The following KIAA0586 variants were observed in gnomAD, a reference collection of about 807,000 sequenced individuals.
KIAA0586 encodes the protein KIAA0586.
A neutral mutation model predicts 169.8 loss-of-function variants in KIAA0586; 144 were observed. The ratio of observed to expected loss-of-function variants is 0.85; its 90% CI spans 0.74 to 0.97. The LOEUF (loss-of-function observed/expected upper bound fraction) is 0.97. KIAA0586 is among the 50% of genes least tolerant of loss of function. The pLI, the probability that KIAA0586 is intolerant of heterozygous loss-of-function variation, is 0.00. For synonymous variants in KIAA0586, 625 were observed against 612.4 expected, an observed-to-expected ratio of 1.02 and a Z score of -0.30; for missense variants, 1,854 against 1,823.0, an observed-to-expected ratio of 1.02 and a Z score of -0.31.
rs140565291 is a variant in KIAA0586, at chr14:58,487,145, A to G, written c.3283A>G (p.Lys1095Glu). 1 of 1,611,696 alleles carries G rather than the reference A, an allele frequency of 6.2e-7. No homozygotes were observed. Among genetic ancestry groups the G allele is most frequent in the African/African-American group, 1.3e-5 (1 of 74,820 alleles). ...DSDHDMAFPV[K>E]EICAEKGDDM... ...GGATCATGATATGGCTTTTCCTGTG[A>G]AAGAAATATGTGCTGAAAAAGGTAG... Residue 1095 changes from lysine (K) to glutamate (E), a missense_variant, in exon 22 of 31, where the codon AAA becomes GAA. Lys to Glu is a moderately conservative substitution (Grantham distance 56). Coordinates refer to ENST00000652326, the MANE Select transcript of KIAA0586 (RefSeq NM_001329943.3).
At chr14:58,497,942 A>G (rs1304258832) in intron 26 of KIAA0586, among the ~76,000 whole-genome samples, 1 of 147,800 alleles carries the variant, frequency 6.8e-6, no homozygotes, top group African/African-American at 2.5e-5. Context: ...CAGTGGTGCA[A>G]TCTCAGCTCA....
chr14:58,451,417 G>T (rs185247122), intron 8 of KIAA0586, among the ~76,000 whole-genome samples: 2 of 151,784 alleles, frequency 1.3e-5, no homozygotes. Flanking sequence ...CATAGAGATG[G>T]GGTTTCACTA....
At chr14:58,539,947 A>G (rs548321259) in intron 29 of KIAA0586, 124 bp from the exon 30 acceptor site, 301 of 586,946 alleles carry the variant, frequency 5.1e-4, no homozygotes, top group Non-Finnish European at 6.7e-4. Flanking sequence ...ACTTCTGTTT[A>G]CCTGGTTTTA....
intron 24 of KIAA0586, 42 bp downstream of exon 24, chr14:58,488,916 G>A (rs2042653043): frequency 6.3e-7 from 1 of 1,578,126 alleles, no homozygotes; most frequent in East Asian, 2.2e-5. Context: ...GTTAGATTAT[G>A]CTAATTCCCT....
At chr14:58,536,839 G>A (rs552119040) in intron 29 of KIAA0586, among the ~76,000 whole-genome samples, 1 of 152,138 alleles carries the variant, frequency 6.6e-6, no homozygotes, top group African/African-American at 2.4e-5. Flanking sequence ...TTGTGGTAAA[G>A]ATAAAAATAT....
At chr14:58,506,928 C>T (rs561404859) in intron 27 of KIAA0586, among the ~76,000 whole-genome samples, 16 of 151,980 alleles carry the variant, frequency 1.1e-4, no homozygotes, top group Middle Eastern at 6.8e-3. Context: ...AGGAAGATCA[C>T]TTTAGCCCAG....
intron 7 of KIAA0586, among the ~76,000 whole-genome samples, chr14:58,449,761 A>G (rs1004866291): frequency 6.6e-6 from 1 of 152,078 alleles, no homozygotes; most frequent in African/African-American, 2.4e-5. Flanking sequence ...AATTCCAGAG[A>G]ATTTCTTGCT....
At chr14:58,479,734 GT>G (rs1268690041) in intron 20 of KIAA0586, among the ~76,000 whole-genome samples, 2 of 151,958 alleles carry the variant, frequency 1.3e-5, no homozygotes, top group Non-Finnish European at 2.9e-5. Context: ...TTTGTTTGGG[GT>G]TTTTTGGCAT....
chr14:58,515,189 GA>G (rs1257247353), intron 29 of KIAA0586, among the ~76,000 whole-genome samples: 1 of 151,456 alleles, frequency 6.6e-6, no homozygotes, highest in East Asian at 1.9e-4. Flanking sequence ...AAATTTGCTT[GA>G]AAAAAATCAC....
At chr14:58,478,288 TCC>T (rs1282290198) in intron 20 of KIAA0586, among the ~76,000 whole-genome samples, 1 of 152,116 alleles carries the variant, frequency 6.6e-6, no homozygotes, top group Non-Finnish European at 1.5e-5. Flanking sequence ...TTTGAGATCG[TCC>T]TGGCCAACAT....
intron 29 of KIAA0586, among the ~76,000 whole-genome samples, chr14:58,522,485 G>A (rs2045296270): frequency 6.6e-6 from 1 of 152,210 alleles, no homozygotes. Flanking sequence ...ACGTAGTTTT[G>A]TGAATGAGAG....
chr14:58,428,993 T>G (rs2037123689), intron 1 of KIAA0586, among the ~76,000 whole-genome samples: 2 of 152,210 alleles, frequency 1.3e-5, no homozygotes. Context: ...AAAACGCTTT[T>G]GTAATGCTGT....
chr14:58,546,984 A>C (rs867214479), intron 30 of KIAA0586, among the ~76,000 whole-genome samples: 1 of 152,130 alleles, frequency 6.6e-6, no homozygotes, highest in Non-Finnish European at 1.5e-5. Context: ...TGCTAACCTT[A>C]TATCACTTCT....
chr14:58,457,729 A>G (rs1445866989), intron 10 of KIAA0586, 30 bp from the exon 11 acceptor site: 2 of 1,396,996 alleles, frequency 1.4e-6, no homozygotes, highest in Non-Finnish European at 2.0e-6. Flanking sequence ...TTGTGAGTTT[A>G]GTAACTTTCT....
intron 18 of KIAA0586, among the ~76,000 whole-genome samples, chr14:58,472,567 C>T (rs533697848): frequency 2.0e-5 from 3 of 151,944 alleles, no homozygotes; most frequent in South Asian, 2.1e-4. Flanking sequence ...GGCTTCTTTT[C>T]CTCCAATTTG....
At position 58,432,466 on chromosome 14, in the gene KIAA0586, C is replaced by T. The variant is rs2037458221; in HGVS notation, c.410+9C>T. 2 of 1,453,424 alleles carry T rather than the reference C, an allele frequency of 1.4e-6. No homozygotes were observed. Among genetic ancestry groups the T allele is most frequent in the Non-Finnish European group, 1.9e-6 (2 of 1,056,394 alleles). The allele number at this position is 1,453,424 out of a possible 1,614,324, so 90.0% of individuals were successfully genotyped here. On this transcript the variant is annotated intron_variant, in intron 4 of 30. Coordinates refer to ENST00000652326, the MANE Select transcript of KIAA0586 (RefSeq NM_001329943.3). ...ACAGTTTTAAAGCAAAAGTAAGTTT[C>T]ATTTACAGAAAATAATTGGACCATT...
intron 26 of KIAA0586, among the ~76,000 whole-genome samples, chr14:58,495,141 G>T (rs1369516298): frequency 1.3e-5 from 2 of 152,106 alleles, no homozygotes; most frequent in African/African-American, 4.8e-5. Context: ...TTGAGAGCTG[G>T]CAGCCTTTGT....
intron 14 of KIAA0586, among the ~76,000 whole-genome samples, chr14:58,462,654 C>T (rs932008450): frequency 6.6e-6 from 1 of 152,156 alleles, no homozygotes; most frequent in Non-Finnish European, 1.5e-5. Flanking sequence ...TAACTTTATT[C>T]AATAACGCTT....
At chr14:58,451,810 A>T (rs540520908) in intron 8 of KIAA0586, among the ~76,000 whole-genome samples, 3 of 152,076 alleles carry the variant, frequency 2.0e-5, no homozygotes, top group Non-Finnish European at 4.4e-5. Context: ...CAGCCTCCCG[A>T]GTAGCTGGGA....
Sources: gnomAD v4.1 joint callset for allele counts (sites outside exome capture counted in the v4.1 genomes callset) on GRCh38, gnomAD v4.1.1 for gene constraint, MANE v1.5 for transcripts, NCBI Gene and HGNC (gene_info 2026-07-23, HGNC 2026-07-21) for gene names.